The following ZNF577 variants were observed in gnomAD, a reference collection of about 807,000 sequenced individuals.
ZNF577 encodes zinc finger protein 577.
In ZNF577, 14 loss-of-function variants were observed where a neutral mutation model predicts 13.9. The ratio of observed to expected loss-of-function variants is 1.00; its 90% CI spans 0.66 to 1.57. The LOEUF is 1.57. Among genes scored for constraint, ZNF577 ranks in the 40% most tolerant of loss-of-function variants. ZNF577 has a pLI of 0.00. For synonymous variants in ZNF577, 203 were observed against 202.9 expected, an observed-to-expected ratio of 1.00 and a Z score of 0.00; for missense variants, 555 against 579.2, an observed-to-expected ratio of 0.96 and a Z score of 0.43.
At chr19:51,880,471 G>A in intron 2 of ZNF577, 70 bp from the exon 3 acceptor site, 1 of 1,365,488 alleles carries the variant, frequency 7.3e-7, no homozygotes, top group Non-Finnish European at 1.0e-6. Context: ...ACTTAGCTAT[G>A]TTCCGACATT....
intron 5 of ZNF577, among the ~76,000 whole-genome samples, chr19:51,857,365 G>GAAAGAAAGAAA: frequency 1.1e-5 from 1 of 93,296 alleles, no homozygotes; most frequent in African/African-American, 4.8e-5. Context: ...AAAGAAGGAA[G>GAAAGAAAGAAA]GAAAGAAAGA....
At chr19:51,820,100 G>T (rs1361999028) in intron 9 of ZNF577, among the ~76,000 whole-genome samples, 1 of 152,144 alleles carries the variant, frequency 6.6e-6, no homozygotes, top group African/African-American at 2.4e-5. Flanking sequence ...ATTCAGCCAA[G>T]GCCATCAGCT....
intron 1 of ZNF577, chr19:51,886,046 T>C (rs1266142831): frequency 1.3e-5 from 2 of 152,188 alleles, no homozygotes; most frequent in East Asian, 3.8e-4. Flanking sequence ...AAAGAATGTG[T>C]ACCTTAGGAT....
chr19:51,866,358 T>C (rs1194428897), downstream of ZNF577, among the ~76,000 whole-genome samples: 2 of 151,580 alleles, frequency 1.3e-5, no homozygotes, highest in Non-Finnish European at 2.9e-5. Flanking sequence ...CTGTCTCAAA[T>C]AAAAATTAAA....
At chr19:51,821,275 T>A (rs1479259489) in intron 9 of ZNF577, among the ~76,000 whole-genome samples, 1 of 152,188 alleles carries the variant, frequency 6.6e-6, no homozygotes, top group Non-Finnish European at 1.5e-5. Flanking sequence ...AGAGTAGCGA[T>A]CTAACTGACC....
intron 10 of ZNF577, among the ~76,000 whole-genome samples, chr19:51,805,405 T>C (rs1376872634): frequency 6.6e-6 from 1 of 152,218 alleles, no homozygotes; most frequent in East Asian, 1.9e-4. Context: ...AATTCTTGAG[T>C]GTGCCTATTT....
intron 9 of ZNF577, among the ~76,000 whole-genome samples, chr19:51,830,113 CATAGCAT>C (rs961683320): frequency 7.1e-6 from 1 of 140,628 alleles, no homozygotes; most frequent in African/African-American, 2.7e-5. Flanking sequence ...ACCTGACTGA[CATAGCAT>C]ATGCTTCTAG....
chr19:51,854,181 T>G (rs1419937325), intron 5 of ZNF577, among the ~76,000 whole-genome samples: 1 of 152,170 alleles, frequency 6.6e-6, no homozygotes, highest in African/African-American at 2.4e-5. Flanking sequence ...ACGAATAAAG[T>G]AGAGGTTCTG....
chr19:51,867,277 C>T lies in ZNF577; in HGVS notation c.*5255G>A, dbSNP rs959284005. On this transcript the variant is annotated 3_prime_UTR_variant, in exon 6 of 6. Transcript: ENST00000638348. ...GCAAAAGAAAGAAGCAAAACCTCAC[C>T]GGGGCTTTTATCGTTTTTTTCTTCG... Among the ~76,000 whole-genome samples, 5 of 152,076 alleles carry T rather than the reference C, an allele frequency of 3.3e-5. No homozygotes were observed. Among genetic ancestry groups the T allele is most frequent in the African/African-American group, 1.2e-4 (5 of 41,412 alleles).
intron 5 of ZNF577, among the ~76,000 whole-genome samples, chr19:51,855,367 CTGTG>C (rs55937420): frequency 0.095 from 13,693 of 143,418 alleles, 780 homozygotes; most frequent in Middle Eastern, 0.15. Context: ...GCTGAGGGTG[CTGTG>C]TGTGTGTGTG....
intron 9 of ZNF577, among the ~76,000 whole-genome samples, chr19:51,818,438 GA>G (rs1452016310): frequency 6.6e-6 from 1 of 152,168 alleles, no homozygotes; most frequent in Non-Finnish European, 1.5e-5. Context: ...ACACAGCACT[GA>G]AAGAAGGTGC....
At chr19:51,831,065 T>C (rs1465564513) in intron 9 of ZNF577, among the ~76,000 whole-genome samples, 1 of 152,212 alleles carries the variant, frequency 6.6e-6, no homozygotes, top group Non-Finnish European at 1.5e-5. Flanking sequence ...GTCATCACAC[T>C]CTACCAAATG....
At chr19:51,878,740 C>T in intron 3 of ZNF577, 1 of 408,196 alleles carries the variant, frequency 2.4e-6, no homozygotes, top group Admixed American at 3.7e-5. Flanking sequence ...GTTCATTATT[C>T]CTTTGTTTCT....
In ZNF577 at chr19:51,870,712, C is replaced by T. The variant is rs1272642873; in HGVS notation, c.*1820G>A. Among the ~76,000 whole-genome samples the T allele has an allele frequency of 6.6e-6, 1 of 152,144 alleles. No homozygotes were observed. The highest frequency in any genetic ancestry group is 1.5e-5 in the Non-Finnish European group (1 of 68,024). On this transcript the variant is annotated 3_prime_UTR_variant, in exon 6 of 6. Coordinates refer to ENST00000638348, the MANE Select transcript of ZNF577 (RefSeq NM_001370449.1). ...TTGAGTGCAGCTCTTCTCCAATAAT[C>T]CAATTCATGAATTTGGGCCACCTTG...
At chr19:51,883,966 C>T (rs904133940) in intron 1 of ZNF577, among the ~76,000 whole-genome samples, 6 of 152,000 alleles carry the variant, frequency 3.9e-5, no homozygotes, top group Non-Finnish European at 8.8e-5. Context: ...CCCAGCTACT[C>T]GGGAGGCTGA....
chr19:51,863,325 A>G (rs1396674724), downstream of ZNF577: 1 of 152,248 alleles, frequency 6.6e-6, no homozygotes, highest in Non-Finnish European at 1.5e-5. Flanking sequence ...ACAACAGAGT[A>G]AGTGAGATAA....
intron 9 of ZNF577, among the ~76,000 whole-genome samples, chr19:51,821,314 C>T (rs982028660): frequency 6.6e-6 from 1 of 152,176 alleles, no homozygotes; most frequent in Admixed American, 6.5e-5. Flanking sequence ...TACTCTGTAA[C>T]AGTGATGCTC....
intron 9 of ZNF577, among the ~76,000 whole-genome samples, chr19:51,827,326 T>C (rs892132688): frequency 1.3e-5 from 2 of 152,194 alleles, no homozygotes; most frequent in African/African-American, 4.8e-5. Flanking sequence ...TTTCTCTCAC[T>C]GTCAAAATTT....
In ZNF577 at chr19:51,867,912, A is replaced by T. The variant is rs2084591173; in HGVS notation, c.*4620T>A. ...TAGTCCTCTACCCCCACCCCTAAATACAGATACAGAAAAAGGCAATGAGAA... is the reference window on the plus strand; with the variant it reads ...TAGTCCTCTACCCCCACCCCTAAATTCAGATACAGAAAAAGGCAATGAGAA... On this transcript the variant is annotated 3_prime_UTR_variant, in exon 6 of 6. Coordinates refer to ENST00000638348, the MANE Select transcript of ZNF577 (RefSeq NM_001370449.1). 6.6e-6 allele frequency among the ~76,000 whole-genome samples: 1 copy of T among 152,192 alleles called. No homozygotes were observed. Among genetic ancestry groups the T allele is most frequent in the South Asian group, 2.1e-4 (1 of 4,830 alleles).
Sources: gnomAD v4.1 joint callset for allele counts (sites outside exome capture counted in the v4.1 genomes callset) on GRCh38, gnomAD v4.1.1 for gene constraint, MANE v1.5 for transcripts, NCBI Gene and HGNC (gene_info 2026-07-23, HGNC 2026-07-21) for gene names.